The following TRIM23 variants were observed in gnomAD, a reference collection of about 807,000 sequenced individuals.
The protein encoded by TRIM23 is E3 ubiquitin-protein ligase TRIM23.
Under a neutral mutation model 71.0 loss-of-function variants are expected in TRIM23, and 27 were observed. The ratio of observed to expected loss-of-function variants is 0.38; its 90% CI spans 0.28 to 0.52. The LOEUF (loss-of-function observed/expected upper bound fraction) is 0.52. Among genes scored for constraint, TRIM23 ranks in the 20% least tolerant of loss-of-function variants. TRIM23 has a pLI of 0.84. For synonymous variants in TRIM23, 234 were observed against 238.0 expected (o/e 0.98, Z 0.16); for missense variants, 482 against 692.3 (o/e 0.70, Z 3.41).
intron 8 of TRIM23, among the ~76,000 whole-genome samples, chr5:65,596,789 C>T (rs1240527794): frequency 6.6e-6 from 1 of 152,058 alleles, no homozygotes; most frequent in African/African-American, 2.4e-5. Flanking sequence ...TCCACAACTA[C>T]CCCCCACCCC....
chr5:65,610,399 C>T (rs939805390), intron 5 of TRIM23, among the ~76,000 whole-genome samples: 2 of 152,190 alleles, frequency 1.3e-5, no homozygotes, highest in African/African-American at 4.8e-5. Flanking sequence ...TCTCCATATC[C>T]TCTTTTCTTG....
intron 5 of TRIM23, 77 bp from the exon 6 acceptor site, chr5:65,609,535 C>G: frequency 2.8e-6 from 4 of 1,438,374 alleles, no homozygotes; most frequent in Non-Finnish European, 3.8e-6. Context: ...AAAATTTCAG[C>G]CTAGGCAACA....
chr5:65,600,128 G>A (rs1054451518), intron 7 of TRIM23, among the ~76,000 whole-genome samples: 1 of 152,106 alleles, frequency 6.6e-6, no homozygotes, highest in South Asian at 2.1e-4. Flanking sequence ...ACCTATTATG[G>A]CAAAGACAGT....
chr5:65,608,802 C>G (rs152060), intron 6 of TRIM23, among the ~76,000 whole-genome samples: 94,275 of 151,902 alleles, frequency 0.62, 29,509 homozygotes, highest in South Asian at 0.65. Flanking sequence ...TTATAGCAGA[C>G]GTAGGCAGTA....
intron 6 of TRIM23, among the ~76,000 whole-genome samples, chr5:65,609,038 C>T (rs1754579349): frequency 6.6e-6 from 1 of 151,868 alleles, no homozygotes; most frequent in Non-Finnish European, 1.5e-5. Context: ...GCCTCAAGAA[C>T]CCATGGCTTA....
At position 65,591,671 on chromosome 5, in the gene TRIM23, C is replaced by T. The variant is rs972043165; in HGVS notation, c.*98G>A. On this transcript the variant is annotated 3_prime_UTR_variant, in exon 11 of 11. Coordinates refer to ENST00000231524, the MANE Select transcript of TRIM23 (RefSeq NM_001656.4). ...TATATATATATATATATATATGCAT[C>T]CTAAATTACCATCTTTTGAGATGTA... 2 of 720,768 alleles carry T rather than the reference C, an allele frequency of 2.8e-6. No individual in the cohort carries two copies. Among genetic ancestry groups the T allele is most frequent in the African/African-American group, 5.8e-5 (2 of 34,348 alleles). The allele number at this position is 720,768 out of a possible 1,614,324, so 44.6% of individuals were successfully genotyped here.
At chr5:65,609,096 A>T in intron 6 of TRIM23, 147 bp downstream of exon 6, 2 of 775,734 alleles carry the variant, frequency 2.6e-6, no homozygotes, top group South Asian at 3.7e-5. Flanking sequence ...TACTAGTGAA[A>T]TAATTCAAGG....
At chr5:65,618,812 A>C (rs1754841822) in intron 1 of TRIM23, among the ~76,000 whole-genome samples, 1 of 152,238 alleles carries the variant, frequency 6.6e-6, no homozygotes, top group Admixed American at 6.5e-5. Context: ...CAATCATCTT[A>C]AATTTCAATT....
chr5:65,591,397 G>A lies in TRIM23; in HGVS notation c.*372C>T. On this transcript the variant is annotated 3_prime_UTR_variant, in exon 11 of 11. Transcript: ENST00000231524. Reference sequence around the variant, plus strand: ...CTTGCTTCACACAGAGGTCTCATTAGGCACTCAATTGGCTATTCTTTTTTC... The same window carrying A: ...CTTGCTTCACACAGAGGTCTCATTAAGCACTCAATTGGCTATTCTTTTTTC... 1 of 1,568,340 alleles carries A rather than the reference G, an allele frequency of 6.4e-7. No individual in the cohort carries two copies. The highest frequency in any genetic ancestry group is 8.6e-7 in the Non-Finnish European group (1 of 1,159,712).
In TRIM23 at chr5:65,614,234, A is replaced by G. The variant is rs949371299; in HGVS notation, c.245-15T>C. The stretch of plus-strand genomic sequence containing the variant: ...ACCTGAATCACCTAGAATAAATATA[A>G]AAACAAAAACTAAATCTAACAAAAT... On this transcript the variant is annotated splice_polypyrimidine_tract_variant and intron_variant, in intron 2 of 10. Transcript: ENST00000231524. 1.9e-6 allele frequency: 3 copies of G among 1,607,884 alleles called. No homozygotes were observed. The highest frequency in any genetic ancestry group is 2.7e-5 in the African/African-American group (2 of 74,696).
At position 65,609,464 on chromosome 5, in the gene TRIM23, A is replaced by C. The variant is rs772801337; in HGVS notation, c.829-6T>G. The C allele has an allele frequency of 4.0e-5, 65 of 1,608,290 alleles. No individual in the cohort carries two copies. Among genetic ancestry groups the C allele is most frequent in the Non-Finnish European group, 5.0e-5 (59 of 1,177,850 alleles). On this transcript the variant is annotated splice_polypyrimidine_tract_variant and splice_region_variant and intron_variant, in intron 5 of 10. Coordinates refer to ENST00000231524, the MANE Select transcript of TRIM23 (RefSeq NM_001656.4). ...TTCTCTGCAGTCCCTGGTACCTAAG[A>C]AAATGAAAATAAATTTTAAGCAACT...
At position 65,623,040 on chromosome 5, in the gene TRIM23, T is replaced by A. The variant is rs141477347; in HGVS notation, c.81+1154A>T. ...TCCTTTGCATATCAGATATGCCGTG[T>A]ACCTGTAGAATAACTTCATTAGTAC... On this transcript the variant is annotated intron_variant, in intron 1 of 10. Coordinates refer to ENST00000231524, the MANE Select transcript of TRIM23 (RefSeq NM_001656.4). Among the ~76,000 whole-genome samples the A allele has an allele frequency of 2.2e-4, 34 of 152,338 alleles. No individual in the cohort carries two copies. The East Asian group carries it at 5.0e-3, about 22-fold the overall frequency.
chr5:65,592,032 G>C (rs773511270), intron 10 of TRIM23, 84 bp from the exon 11 acceptor site: 6 of 1,348,236 alleles, frequency 4.5e-6, no homozygotes, highest in Non-Finnish European at 6.1e-6. Context: ...GAAATTTGTT[G>C]ACAGTGTTCT....
chr5:65,599,973 T>C (rs983013773), intron 7 of TRIM23, among the ~76,000 whole-genome samples: 5 of 152,136 alleles, frequency 3.3e-5, no homozygotes, highest in African/African-American at 1.2e-4. Context: ...GGCATCAGCT[T>C]GGCTTCAGGG....
chr5:65,598,671 C>T (rs1194609057), intron 7 of TRIM23, among the ~76,000 whole-genome samples: 1 of 151,992 alleles, frequency 6.6e-6, no homozygotes, highest in Non-Finnish European at 1.5e-5. Flanking sequence ...TCGCTTGAAC[C>T]CGGAAGGTGG....
chr5:65,611,545 A>G, intron 4 of TRIM23, 58 bp downstream of exon 4: 1 of 1,554,654 alleles, frequency 6.4e-7, no homozygotes, highest in Non-Finnish European at 8.7e-7. Context: ...AGTGAAAACG[A>G]ATACTGAGCT....
chr5:65,591,906 G>A lies in TRIM23; in HGVS notation c.1588C>T (p.Leu530Phe), dbSNP rs747858265. 92 of 1,613,728 alleles carry A rather than the reference G, an allele frequency of 5.7e-5. No homozygotes were observed. Among genetic ancestry groups the A allele is most frequent in the Non-Finnish European group, 4.8e-5 (57 of 1,179,886 alleles). The change falls in exon 11 of 11, where the codon CTC (leucine) becomes TTC (phenylalanine). Residue 530 changes from leucine (L) to phenylalanine (F), a missense_variant. Physicochemically the swap from Leu to Phe is conservative, Grantham distance 22. Transcript: ENST00000231524. ...CCACAGCATAATTTATGGAGACTGAGTAGTTCAGTGATTTCTTCTACTGAC... is the reference window on the plus strand; with the variant it reads ...CCACAGCATAATTTATGGAGACTGAATAGTTCAGTGATTTCTTCTACTGAC... ...ALSVEEITELLSLHKLCCGRS... is the reference protein window; with the variant it reads ...ALSVEEITELFSLHKLCCGRS...
intron 5 of TRIM23, among the ~76,000 whole-genome samples, chr5:65,610,221 A>G (rs1754615733): frequency 6.6e-6 from 1 of 152,118 alleles, no homozygotes. Flanking sequence ...CCTGCTTCCA[A>G]TTTTGTTGCT....
At position 65,591,416 on chromosome 5, in the gene TRIM23, T is replaced by G; in HGVS notation, c.*353A>C. On this transcript the variant is annotated 3_prime_UTR_variant, in exon 11 of 11. Coordinates refer to ENST00000231524, the MANE Select transcript of TRIM23 (RefSeq NM_001656.4). Reference sequence around the variant, plus strand: ...TCATTAGGCACTCAATTGGCTATTCTTTTTTCACTGAAAGAATAAACCTTC... The same window carrying G: ...TCATTAGGCACTCAATTGGCTATTCGTTTTTCACTGAAAGAATAAACCTTC... 6.3e-7 allele frequency: 1 copy of G among 1,583,614 alleles called. No individual in the cohort carries two copies. Among genetic ancestry groups the G allele is most frequent in the Non-Finnish European group, 8.6e-7 (1 of 1,166,436 alleles).
Sources: gnomAD v4.1 joint callset for allele counts (sites outside exome capture counted in the v4.1 genomes callset) on GRCh38, gnomAD v4.1.1 for gene constraint, MANE v1.5 for transcripts, NCBI Gene and HGNC (gene_info 2026-07-23, HGNC 2026-07-21) for gene names.